Variants in GPC6 observed in about 807,000 individuals in gnomAD.
GPC6 encodes glypican 6, also known as glypican-6.
In GPC6, 14 loss-of-function variants were observed where a neutral mutation model predicts 55.2. That is an observed-to-expected ratio of 0.25 (90% CI 0.17 to 0.40). The LOEUF is 0.40. GPC6 is among the 10% of genes least tolerant of loss of function. The pLI is 1.00. For synonymous variants in GPC6, 278 were observed against 259.6 expected, an observed-to-expected ratio of 1.07 and a Z score of -0.68; for missense variants, 641 against 708.5, an observed-to-expected ratio of 0.90 and a Z score of 1.08.
intron 4 of GPC6, among the ~76,000 whole-genome samples, chr13:94,102,510 T>A (rs1052832587): frequency 2.6e-5 from 4 of 151,976 alleles, no homozygotes; most frequent in African/African-American, 7.2e-5. Context: ...ACCCTTTTTT[T>A]TTTTTTAATT....
intron 4 of GPC6, among the ~76,000 whole-genome samples, chr13:94,208,574 G>C (rs1329195086): frequency 6.6e-6 from 1 of 151,904 alleles, no homozygotes; most frequent in Non-Finnish European, 1.5e-5. Context: ...CTGAGAGGTG[G>C]CTGTTTAGAA....
At chr13:93,785,503 G>T (rs9561444) in intron 2 of GPC6, among the ~76,000 whole-genome samples, 50,363 of 151,904 alleles carry the variant, frequency 0.33, 8,781 homozygotes, top group African/African-American at 0.44. Context: ...GACACAGATG[G>T]TACGTAGATC....
chr13:93,932,876 A>G (rs1878245300), intron 3 of GPC6, among the ~76,000 whole-genome samples: 1 of 152,060 alleles, frequency 6.6e-6, no homozygotes, highest in African/African-American at 2.4e-5. Context: ...AAACAAAACA[A>G]ATGTATTTTC....
At chr13:93,771,927 T>A (rs1885314266) in intron 2 of GPC6, among the ~76,000 whole-genome samples, 1 of 152,198 alleles carries the variant, frequency 6.6e-6, no homozygotes. Flanking sequence ...TTGTTCTGCC[T>A]GCTGAAGATT....
chr13:93,824,731 T>A (rs1428881186), intron 2 of GPC6, among the ~76,000 whole-genome samples: 1 of 152,170 alleles, frequency 6.6e-6, no homozygotes, highest in Admixed American at 6.5e-5. Flanking sequence ...AGTTATGTCC[T>A]GTTCTAAGAT....
chr13:93,473,374 C>T (rs970752650), intron 1 of GPC6, among the ~76,000 whole-genome samples: 1 of 152,162 alleles, frequency 6.6e-6, no homozygotes, highest in Admixed American at 6.5e-5. Flanking sequence ...GGAGCGTGCA[C>T]ACACCTGGCT....
At chr13:93,406,359 C>G (rs1876290107) in intron 1 of GPC6, among the ~76,000 whole-genome samples, 1 of 152,188 alleles carries the variant, frequency 6.6e-6, no homozygotes, top group Non-Finnish European at 1.5e-5. Flanking sequence ...TTTCTGCCAT[C>G]TGGACTCTGC....
At chr13:94,307,087 A>G (rs951206901) in intron 6 of GPC6, among the ~76,000 whole-genome samples, 2 of 150,186 alleles carry the variant, frequency 1.3e-5, no homozygotes, top group Non-Finnish European at 3.0e-5. Context: ...AGAACTCATA[A>G]GATTATATTG....
At chr13:94,125,716 C>A (rs1482982271) in intron 4 of GPC6, among the ~76,000 whole-genome samples, 1 of 122,014 alleles carries the variant, frequency 8.2e-6, no homozygotes, top group Non-Finnish European at 1.8e-5. Flanking sequence ...AGGCCAATTT[C>A]TTGCCTTTTT....
rs1348964429 is a variant in GPC6 at position 94,348,704 on chromosome 13, C to T, written c.1153-33710C>T. On this transcript the variant is annotated intron_variant, in intron 6 of 8. Coordinates refer to ENST00000377047, the MANE Select transcript of GPC6 (RefSeq NM_005708.5). ...CTTCCTCCTCTGAACTCCTATAGCACACAGTGGCTGGACCACCCTCTGACA... is the reference window on the plus strand; with the variant it reads ...CTTCCTCCTCTGAACTCCTATAGCATACAGTGGCTGGACCACCCTCTGACA... 2.6e-5 allele frequency among the ~76,000 whole-genome samples: 4 copies of T among 152,206 alleles called. No individual in the cohort carries two copies. In the South Asian group the frequency reaches 8.3e-4, roughly 31 times the overall value.
intron 3 of GPC6, among the ~76,000 whole-genome samples, chr13:93,891,399 T>G (rs1003387912): frequency 6.6e-6 from 1 of 152,140 alleles, no homozygotes; most frequent in African/African-American, 2.4e-5. Flanking sequence ...AAATTACCTT[T>G]AAATTGGCTG....
At chr13:93,433,314 G>A (rs1490055966) in intron 1 of GPC6, among the ~76,000 whole-genome samples, 14 of 152,148 alleles carry the variant, frequency 9.2e-5, no homozygotes, top group African/African-American at 3.4e-4. Flanking sequence ...GCAAAGCTAT[G>A]GGCAGGTCTT....
At chr13:93,946,066 T>C (rs1224118715) in intron 3 of GPC6, among the ~76,000 whole-genome samples, 2 of 152,294 alleles carry the variant, frequency 1.3e-5, no homozygotes, top group East Asian at 3.9e-4. Flanking sequence ...TCAAAACAAT[T>C]AGTGAAGTCT....
intron 2 of GPC6, among the ~76,000 whole-genome samples, chr13:93,748,352 A>G (rs1353435616): frequency 6.6e-6 from 1 of 151,218 alleles, no homozygotes; most frequent in Non-Finnish European, 1.5e-5. Context: ...ATCTCTTCCT[A>G]CTTATTTCAC....
At position 94,026,408 on chromosome 13, in the gene GPC6, G is replaced by C. The variant is rs116303626; in HGVS notation, c.712-1321G>C. Among the ~76,000 whole-genome samples the C allele has an allele frequency of 2.5e-3, 380 of 151,780 alleles. 1 individual carries two copies. Among genetic ancestry groups the C allele is most frequent in the African/African-American group, 8.8e-3 (366 of 41,374 alleles). On this transcript the variant is annotated intron_variant, in intron 3 of 8. Coordinates refer to ENST00000377047, the MANE Select transcript of GPC6 (RefSeq NM_005708.5). ...GTTTCTTCAGCATCTGAATGTTCTT[G>C]TTACCTGTGAGCTCAAGTCCACCAC...
rs139359405 is a variant in GPC6 at position 93,425,712 on chromosome 13, A to T, written c.161-119551A>T. Among the ~76,000 whole-genome samples the T allele has an allele frequency of 8.5e-5, 13 of 152,222 alleles. No individual in the cohort carries two copies. In the East Asian group the frequency reaches 2.5e-3, roughly 29 times the overall value. On this transcript the variant is annotated intron_variant, in intron 1 of 8. Transcript: ENST00000377047. The stretch of plus-strand genomic sequence containing the variant: ...TAGTGACTGATCTTGTCAATTCCTA[A>T]ATTAAAAACTGCAAACCTCTCACCA...
chr13:93,302,461 G>A (rs1039484701), intron 1 of GPC6, among the ~76,000 whole-genome samples: 2 of 152,150 alleles, frequency 1.3e-5, no homozygotes, highest in African/African-American at 4.8e-5. Flanking sequence ...GTATTCAGTG[G>A]ACAGTATGCA....
upstream of GPC6, among the ~76,000 whole-genome samples, chr13:93,223,007 T>G (rs1027571456): frequency 7.5e-6 from 1 of 133,508 alleles, no homozygotes; most frequent in Admixed American, 8.3e-5. Context: ...GCTCCTTTAA[T>G]CAGGGAAAAC....
At chr13:93,319,504 G>A (rs1258819560) in intron 1 of GPC6, among the ~76,000 whole-genome samples, 1 of 152,108 alleles carries the variant, frequency 6.6e-6, no homozygotes, top group Non-Finnish European at 1.5e-5. Context: ...AGCTAATGAA[G>A]AACAAGAGAG....
Sources: gnomAD v4.1 joint callset for allele counts (sites outside exome capture counted in the v4.1 genomes callset) on GRCh38, gnomAD v4.1.1 for gene constraint, MANE v1.5 for transcripts, NCBI Gene and HGNC (gene_info 2026-07-23, HGNC 2026-07-21) for gene names.